Variants in DIAPH2 observed in about 807,000 individuals in gnomAD.
The protein encoded by DIAPH2 is protein diaphanous homolog 2.
DIAPH2 carries 35 observed loss-of-function variants against 92.7 expected under a neutral mutation model. That is an observed-to-expected ratio of 0.38 (90% CI 0.29 to 0.50). The LOEUF is 0.50. DIAPH2 is among the 20% of genes least tolerant of loss of function. The probability of loss-of-function intolerance (pLI) is 0.94; values close to 1 mark genes in which losing one functional copy is unlikely to be tolerated. For synonymous variants in DIAPH2, 301 were observed against 280.4 expected (o/e 1.07, Z -0.73); for missense variants, 701 against 819.5 (o/e 0.86, Z 1.77).
At chrX:97,100,632 A>G (rs2147364088) in intron 20 of DIAPH2, among the ~76,000 whole-genome samples, 1 of 112,096 alleles carries the variant, frequency 8.9e-6, no homozygotes, top group East Asian at 2.8e-4. Context: ...ATGGTCACCA[A>G]CTTTACCCTG....
intron 23 of DIAPH2, among the ~76,000 whole-genome samples, chrX:97,274,684 T>G (rs2068423418): frequency 9.3e-6 from 1 of 107,833 alleles, no homozygotes; most frequent in Non-Finnish European, 1.9e-5. Flanking sequence ...TGGGTGTTTC[T>G]CGTATAGGGG....
At chrX:96,985,736 T>G (rs766514204) in intron 17 of DIAPH2, among the ~76,000 whole-genome samples, 204 of 111,262 alleles carry the variant, frequency 1.8e-3, no homozygotes, top group Non-Finnish European at 2.9e-3. Context: ...GTCAGTAATG[T>G]TTTTATATCT....
At chrX:97,347,452 A>G (rs2069169223) in intron 23 of DIAPH2, among the ~76,000 whole-genome samples, 1 of 110,056 alleles carries the variant, frequency 9.1e-6, no homozygotes, top group East Asian at 2.8e-4. Context: ...AAAAAAATAT[A>G]TATATAGTTT....
intron 17 of DIAPH2, among the ~76,000 whole-genome samples, chrX:97,057,523 A>G (rs1008734520): frequency 8.9e-6 from 1 of 111,774 alleles, no homozygotes; most frequent in Non-Finnish European, 1.9e-5. Flanking sequence ...GTGTGCAGGG[A>G]AGCTTGAATA....
chrX:97,356,344 G>A (rs149926845), intron 24 of DIAPH2, among the ~76,000 whole-genome samples: 1,267 of 111,416 alleles, frequency 0.011, 17 homozygotes, highest in African/African-American at 0.04. Context: ...ATCGTTTCAT[G>A]CAAATAGAGC....
intron 20 of DIAPH2, among the ~76,000 whole-genome samples, chrX:97,105,138 A>G (rs1002168491): frequency 1.3e-4 from 14 of 111,509 alleles, no homozygotes; most frequent in African/African-American, 4.2e-4. Context: ...CTCAGGAACA[A>G]AACCAACAAC....
chrX:97,352,686 G>A (rs1405562901), intron 24 of DIAPH2, among the ~76,000 whole-genome samples: 3 of 107,027 alleles, frequency 2.8e-5, no homozygotes, highest in Non-Finnish European at 5.8e-5. Flanking sequence ...TGGCTAACAC[G>A]GTGAAACCCC....
At chrX:97,447,937 T>C (rs966749794) in intron 26 of DIAPH2, among the ~76,000 whole-genome samples, 59 of 112,233 alleles carry the variant, frequency 5.3e-4, no homozygotes, top group Non-Finnish European at 9.4e-5. Context: ...TCAATTTAAA[T>C]ATCACGCTAT....
At chrX:97,160,912 G>C (rs1379744401) in intron 22 of DIAPH2, among the ~76,000 whole-genome samples, 1 of 111,509 alleles carries the variant, frequency 9.0e-6, no homozygotes, top group Non-Finnish European at 1.9e-5. Flanking sequence ...AAATGGAGCA[G>C]ACTTTAAAAA....
chrX:97,185,321 ATATGTG>A (rs2067573616), intron 22 of DIAPH2, among the ~76,000 whole-genome samples: 14 of 51,221 alleles, frequency 2.7e-4, no homozygotes, highest in East Asian at 1.2e-3. Context: ...ATATATATAT[ATATGTG>A]TATATATATA....
At chrX:97,437,145 A>T (rs1411228531) in intron 26 of DIAPH2, among the ~76,000 whole-genome samples, 8 of 110,970 alleles carry the variant, frequency 7.2e-5, no homozygotes, top group Non-Finnish European at 1.1e-4. Context: ...TTGTTTTATT[A>T]TTACTAGGTC....
At chrX:97,418,965 T>G (rs182474191) in intron 25 of DIAPH2, among the ~76,000 whole-genome samples, 5 of 111,946 alleles carry the variant, frequency 4.5e-5, no homozygotes, top group African/African-American at 1.6e-4. Flanking sequence ...TTATATTGAA[T>G]GTTGATGTTC....
intron 25 of DIAPH2, among the ~76,000 whole-genome samples, chrX:97,405,600 A>G (rs148509355): frequency 8.9e-6 from 1 of 111,915 alleles, no homozygotes; most frequent in Non-Finnish European, 1.9e-5. Flanking sequence ...TTTTAAATGC[A>G]TATTTTCATT....
chrX:97,153,987 T>C (rs2147428090), intron 22 of DIAPH2, among the ~76,000 whole-genome samples: 1 of 111,786 alleles, frequency 8.9e-6, no homozygotes, highest in Admixed American at 9.6e-5. Flanking sequence ...AAGATTATTA[T>C]AATAACTAAT....
intron 26 of DIAPH2, among the ~76,000 whole-genome samples, chrX:97,458,987 T>C (rs1268231697): frequency 1.8e-5 from 2 of 111,732 alleles, no homozygotes; most frequent in Non-Finnish European, 3.8e-5. Flanking sequence ...AATTTGGTCC[T>C]CTATTAACTT....
chrX:96,778,419 C>A lies in DIAPH2; in HGVS notation c.447+20161C>A, dbSNP rs1357136855. Among the ~76,000 whole-genome samples the A allele has an allele frequency of 2.7e-5, 3 of 109,386 alleles. No homozygotes were observed. In the East Asian group the frequency reaches 8.6e-4, roughly 31 times the overall value. 95.0% of individuals were successfully genotyped at this position (109,386 alleles called of 115,157 possible). ...ATCATTCTCTTTTAAAATTTTTTTT[C>A]TTTTTTTGCCTTTTCTGAGCCTTAG... On this transcript the variant is annotated intron_variant, in intron 4 of 26. Coordinates refer to ENST00000324765, the MANE Select transcript of DIAPH2 (RefSeq NM_006729.5).
chrX:96,740,787 C>G, intron 3 of DIAPH2, among the ~76,000 whole-genome samples: 1 of 111,371 alleles, frequency 9.0e-6, no homozygotes, highest in Admixed American at 9.5e-5. Context: ...CAGTATTGCC[C>G]TATGATTTGG....
At chrX:96,868,017 C>CT (rs923714501) in intron 4 of DIAPH2, among the ~76,000 whole-genome samples, 2 of 111,968 alleles carry the variant, frequency 1.8e-5, no homozygotes, top group African/African-American at 6.5e-5. Flanking sequence ...TTTGCTGACT[C>CT]TAAATTGCCA....
intron 4 of DIAPH2, among the ~76,000 whole-genome samples, chrX:96,804,476 A>G (rs1338080014): frequency 8.9e-6 from 1 of 112,087 alleles, no homozygotes; most frequent in Non-Finnish European, 1.9e-5. Context: ...AAAAGATAGA[A>G]TAATTTCTAT....
Sources: gnomAD v4.1 joint callset for allele counts (sites outside exome capture counted in the v4.1 genomes callset) on GRCh38, gnomAD v4.1.1 for gene constraint, MANE v1.5 for transcripts, NCBI Gene and HGNC (gene_info 2026-07-23, HGNC 2026-07-21) for gene names.